NTRK2: variants seen among roughly 807,000 people sequenced by gnomAD.
NTRK2 encodes BDNF/NT-3 growth factors receptor.
Under a neutral mutation model 94.5 loss-of-function variants are expected in NTRK2, and 13 were observed. The ratio of observed to expected loss-of-function variants is 0.14; its 90% CI spans 0.09 to 0.22. NTRK2 has a LOEUF of 0.22. Ranked by LOEUF, NTRK2 falls within the 10% of genes least tolerant of loss-of-function variation. NTRK2 has a pLI of 1.00. For missense variants in NTRK2, 639 were observed against 1,071.2 expected, an observed-to-expected ratio of 0.60 and a Z score of 5.63; for synonymous variants, 372 against 407.4, an observed-to-expected ratio of 0.91 and a Z score of 1.05.
At chr9:84,864,928 A>G (rs1403330636) in intron 13 of NTRK2, among the ~76,000 whole-genome samples, 1 of 151,616 alleles carries the variant, frequency 6.6e-6, no homozygotes, top group African/African-American at 2.4e-5. Context: ...TCTAGTTGAG[A>G]CAGGGTTTCA....
Position 84,857,076 on chromosome 9 carries a change from TCTTTC to T in NTRK2, c.1397-3959_1397-3955del, listed in dbSNP as rs1420538396. ...CCTTTTCAACCCCCTATGTTTTAGCTCTTTCCTTTAAGAGAAATTTGAAAAAGTGT... is the reference window on the plus strand; with the variant it reads ...CCTTTTCAACCCCCTATGTTTTAGCTCTTTAAGAGAAATTTGAAAAAGTGT... On this transcript the variant is annotated intron_variant, in intron 12 of 18. Coordinates refer to ENST00000277120, the MANE Select transcript of NTRK2 (RefSeq NM_006180.6). Among the ~76,000 whole-genome samples the T allele has an allele frequency of 2.6e-5, 4 of 152,036 alleles. 1 individual carries two copies. The highest frequency in any genetic ancestry group is 4.8e-5 in the African/African-American group (2 of 41,334).
At chr9:85,019,741 A>G (rs1832616566) in intron 17 of NTRK2, among the ~76,000 whole-genome samples, 1 of 152,198 alleles carries the variant, frequency 6.6e-6, no homozygotes, top group Non-Finnish European at 1.5e-5. Flanking sequence ...AGGGGTTTGA[A>G]TCAGCATCAT....
At chr9:84,974,229 C>T (rs1189051076) in intron 17 of NTRK2, among the ~76,000 whole-genome samples, 2 of 152,190 alleles carry the variant, frequency 1.3e-5, no homozygotes, top group African/African-American at 2.4e-5. Flanking sequence ...CTGAACCCCA[C>T]GCATATCTGC....
At chr9:84,956,573 G>C (rs1205332830) in intron 17 of NTRK2, among the ~76,000 whole-genome samples, 1 of 152,154 alleles carries the variant, frequency 6.6e-6, no homozygotes, top group Non-Finnish European at 1.5e-5. Context: ...AGGAAGGAAG[G>C]GAATAAATGT....
intron 9 of NTRK2, among the ~76,000 whole-genome samples, chr9:84,736,146 C>T (rs1033632323): frequency 1.1e-4 from 17 of 152,152 alleles, no homozygotes; most frequent in African/African-American, 3.6e-4. Context: ...AAAATACCCT[C>T]GTTTTAAAGC....
In NTRK2 at chr9:84,916,430, A is replaced by C. The variant is rs375940093; in HGVS notation, c.1634-17732A>C. 2.2e-4 allele frequency among the ~76,000 whole-genome samples: 33 copies of C among 152,318 alleles called. 1 individual carries two copies. In the South Asian group the frequency reaches 6.6e-3, roughly 31 times the overall value. On this transcript the variant is annotated intron_variant, in intron 14 of 18. Coordinates refer to ENST00000277120, the MANE Select transcript of NTRK2 (RefSeq NM_006180.6). The stretch of plus-strand genomic sequence containing the variant: ...TTCATCCTAGTACTCAGGAGACATT[A>C]CTAGTTGATCATGGTACTGTTTCCC...
chr9:84,823,394 C>A (rs1034976505), intron 12 of NTRK2, among the ~76,000 whole-genome samples: 1 of 152,214 alleles, frequency 6.6e-6, no homozygotes. Context: ...AGGACCAAGT[C>A]GGAGTGGTAC....
intron 14 of NTRK2, chr9:84,872,244 C>A: frequency 8.9e-7 from 1 of 1,126,964 alleles, no homozygotes; most frequent in South Asian, 3.5e-5. Flanking sequence ...CTTTCCTTGA[C>A]TGCTGAGAAA....
chr9:84,680,950 C>T (rs917206714), intron 2 of NTRK2, among the ~76,000 whole-genome samples: 2 of 151,294 alleles, frequency 1.3e-5, no homozygotes, highest in African/African-American at 4.9e-5. Flanking sequence ...TCTTGTTTTC[C>T]CTCTATCTCT....
At chr9:85,014,385 A>G (rs941822780) in intron 17 of NTRK2, among the ~76,000 whole-genome samples, 2 of 152,202 alleles carry the variant, frequency 1.3e-5, no homozygotes, top group Non-Finnish European at 1.5e-5. Context: ...ACGTGTGCCA[A>G]GGATAGCAAA....
At chr9:84,945,030 G>A (rs993692294) in intron 15 of NTRK2, among the ~76,000 whole-genome samples, 17 of 152,128 alleles carry the variant, frequency 1.1e-4, no homozygotes, top group African/African-American at 3.6e-4. Context: ...AACCCCTTCC[G>A]TTTGAGCACC....
At chr9:84,802,663 A>C (rs2070636568) in intron 12 of NTRK2, among the ~76,000 whole-genome samples, 1 of 152,238 alleles carries the variant, frequency 6.6e-6, no homozygotes, top group Admixed American at 6.5e-5. Flanking sequence ...CTCAGTCGGA[A>C]CATATATAAG....
At chr9:85,012,585 A>C (rs1412490302) in intron 17 of NTRK2, among the ~76,000 whole-genome samples, 1 of 152,206 alleles carries the variant, frequency 6.6e-6, no homozygotes, top group Non-Finnish European at 1.5e-5. Context: ...ACTCTTTGCA[A>C]CAATATTTTG....
chr9:84,835,616 C>T (rs1564368991), intron 12 of NTRK2, among the ~76,000 whole-genome samples: 1 of 152,162 alleles, frequency 6.6e-6, no homozygotes. Context: ...AAAGCTGCCC[C>T]TCCCCCCTTC....
chr9:84,875,219 G>T, intron 14 of NTRK2: 1 of 1,058,226 alleles, frequency 9.4e-7, no homozygotes. Context: ...GGCTCACTTT[G>T]GGGAGATTGT....
intron 12 of NTRK2, among the ~76,000 whole-genome samples, chr9:84,809,753 A>G (rs113240954): frequency 0.055 from 8,312 of 151,724 alleles, 754 homozygotes; most frequent in African/African-American, 0.19. Flanking sequence ...GTGGTGGCAC[A>G]TGCCTATAAT....
At chr9:84,909,760 C>T (rs1266126106) in intron 14 of NTRK2, among the ~76,000 whole-genome samples, 1 of 151,900 alleles carries the variant, frequency 6.6e-6, no homozygotes, top group Non-Finnish European at 1.5e-5. Flanking sequence ...CCCTTTTCTT[C>T]ATCTTCTAAT....
chr9:84,723,226 T>G (rs2062196861), intron 6 of NTRK2, among the ~76,000 whole-genome samples: 1 of 152,254 alleles, frequency 6.6e-6, no homozygotes, highest in Non-Finnish European at 1.5e-5. Flanking sequence ...TCAGTCCTTA[T>G]GTACAATCTC....
At chr9:84,973,349 C>T (rs1163925025) in intron 17 of NTRK2, among the ~76,000 whole-genome samples, 1 of 152,184 alleles carries the variant, frequency 6.6e-6, no homozygotes, top group African/African-American at 2.4e-5. Flanking sequence ...ACAGAGAGAA[C>T]ATTCACCCAA....
Sources: gnomAD v4.1 joint callset for allele counts (sites outside exome capture counted in the v4.1 genomes callset) on GRCh38, gnomAD v4.1.1 for gene constraint, MANE v1.5 for transcripts, NCBI Gene and HGNC (gene_info 2026-07-23, HGNC 2026-07-21) for gene names.